PTK7: variants seen among roughly 807,000 people sequenced by gnomAD.
The protein encoded by PTK7 is protein tyrosine kinase 7 (inactive), also known as inactive tyrosine-protein kinase 7.
Under a neutral mutation model 116.6 loss-of-function variants are expected in PTK7, and 39 were observed. The ratio of observed to expected loss-of-function variants is 0.33; its 90% CI spans 0.26 to 0.44. PTK7 has a LOEUF of 0.44. Among genes scored for constraint, PTK7 ranks in the 20% least tolerant of loss-of-function variants. The probability of loss-of-function intolerance (pLI) is 1.00; values close to 1 mark genes in which losing one functional copy is unlikely to be tolerated. For synonymous variants in PTK7, 546 were observed against 563.6 expected (o/e 0.97, Z 0.44); for missense variants, 1,169 against 1,425.6 (o/e 0.82, Z 2.90).
At chr6:43,148,136 C>A (rs1266840013) in intron 17 of PTK7, among the ~76,000 whole-genome samples, 1 of 152,038 alleles carries the variant, frequency 6.6e-6, no homozygotes, top group Non-Finnish European at 1.5e-5. Context: ...GCCTGTAGTC[C>A]CAGCTACTTG....
chr6:43,141,941 C>T lies in PTK7; in HGVS notation c.1779C>T (p.Thr593=), dbSNP rs765421079. ...HVQLTVAVFI[T]FKVEPERTTV... Reference sequence around the variant, plus strand: ...TCTCTTTTCTTCCAGTTTTTATCACCTTCAAAGTGGAACCAGAGCGTACGA... The same window carrying T: ...TCTCTTTTCTTCCAGTTTTTATCACTTTCAAAGTGGAACCAGAGCGTACGA... Residue 593 remains threonine, a synonymous_variant, in exon 12 of 20, where the codon ACC becomes ACT. Coordinates refer to ENST00000230419, the MANE Select transcript of PTK7 (RefSeq NM_002821.5). The surrounding 1 kb of genome is among the most constrained non-coding windows in gnomAD (Gnocchi z 4.9). The T allele has an allele frequency of 6.2e-7, 1 of 1,606,520 alleles. No individual in the cohort carries two copies. The highest frequency in any genetic ancestry group is 8.5e-7 in the Non-Finnish European group (1 of 1,175,220).
intron 1 of PTK7, among the ~76,000 whole-genome samples, chr6:43,117,619 C>T (rs191205125): frequency 6.6e-6 from 1 of 152,234 alleles, no homozygotes; most frequent in Non-Finnish European, 1.5e-5. Flanking sequence ...TTCTCTGGAT[C>T]AGAAATGTGT....
chr6:43,116,892 C>T (rs1163689990), intron 1 of PTK7, among the ~76,000 whole-genome samples: 3 of 152,036 alleles, frequency 2.0e-5, no homozygotes, highest in Non-Finnish European at 4.4e-5. Flanking sequence ...GGTGCGACCT[C>T]GACTCACTGC....
At chr6:43,133,330 T>A (rs1257738661) in intron 7 of PTK7, 1 of 152,422 alleles carries the variant, frequency 6.6e-6, no homozygotes, top group East Asian at 1.9e-4. Context: ...ATCCCAGCAC[T>A]TTGGGAGGCC....
chr6:43,118,931 G>T (rs1308070461), intron 1 of PTK7, among the ~76,000 whole-genome samples: 1 of 151,072 alleles, frequency 6.6e-6, no homozygotes, highest in African/African-American at 2.4e-5. Context: ...ACCACATTTG[G>T]CTTATTTTTT....
intron 1 of PTK7, among the ~76,000 whole-genome samples, chr6:43,122,785 T>G (rs748533753): frequency 2.0e-5 from 3 of 152,066 alleles, no homozygotes; most frequent in Non-Finnish European, 4.4e-5. Context: ...TTTTGTATTT[T>G]TAGTAGATAT....
At chr6:43,133,002 G>T (rs191447359) in intron 7 of PTK7, 3 of 488,526 alleles carry the variant, frequency 6.1e-6, no homozygotes, top group Non-Finnish European at 1.1e-5. Context: ...GACGATGGTA[G>T]CAAATCACCC....
chr6:43,132,323 G>C, intron 6 of PTK7, 98 bp from the exon 7 acceptor site: 1 of 1,503,536 alleles, frequency 6.7e-7, no homozygotes, highest in Non-Finnish European at 8.9e-7. Flanking sequence ...GCAGGGGAGG[G>C]TTTGTGCTGG....
In PTK7 at chr6:43,141,553, T is replaced by C. The variant is rs966697061; in HGVS notation, c.1619-115T>C. 3.1e-6 allele frequency: 4 copies of C among 1,291,066 alleles called. No homozygotes were observed. Among genetic ancestry groups the C allele is most frequent in the Non-Finnish European group, 4.3e-6 (4 of 932,684 alleles). 80.0% of individuals were successfully genotyped at this position (1,291,066 alleles called of 1,614,324 possible). On this transcript the variant is annotated intron_variant, in intron 10 of 19. Transcript: ENST00000230419. The surrounding 1 kb of genome is among the most constrained non-coding windows in gnomAD (Gnocchi z 4.9). Reference sequence around the variant, plus strand: ...TTGGCTCAGGAGTTTGGACTTTGCCTGTGGGTGGTCAGGAGCGATGGTGTG... The same window carrying C: ...TTGGCTCAGGAGTTTGGACTTTGCCCGTGGGTGGTCAGGAGCGATGGTGTG...
chr6:43,115,787 A>G (rs1768476213), intron 1 of PTK7, among the ~76,000 whole-genome samples: 1 of 151,976 alleles, frequency 6.6e-6, no homozygotes, highest in South Asian at 2.1e-4. Context: ...AAATACAAAA[A>G]TTAGCCTGGC....
intron 17 of PTK7, among the ~76,000 whole-genome samples, chr6:43,146,964 G>A (rs12204526): frequency 0.039 from 5,959 of 152,300 alleles, 158 homozygotes; most frequent in South Asian, 0.063. Context: ...CTGGCTTCAC[G>A]GAGAAGAGCT....
At chr6:43,084,627 G>T (rs1433312573) in intron 1 of PTK7, among the ~76,000 whole-genome samples, 2 of 152,198 alleles carry the variant, frequency 1.3e-5, no homozygotes, top group East Asian at 3.8e-4. Context: ...GTCTTCTATG[G>T]GTGAAGCTGT....
Position 43,077,301 on chromosome 6 carries a change from G to A in PTK7, c.79+734G>A, listed in dbSNP as rs80282993. Among the ~76,000 whole-genome samples the A allele has an allele frequency of 8.5e-5, 13 of 152,366 alleles. No individual in the cohort carries two copies. In the East Asian group the frequency reaches 2.1e-3, roughly 25 times the overall value. ...CCGCTGCCAAAATCGGGCATGGCCT[G>A]GCTGCAAAGGTGCGGACGGGGTTTG... On this transcript the variant is annotated intron_variant, in intron 1 of 19. Transcript: ENST00000230419.
At chr6:43,148,043 A>G (rs138295248) in intron 17 of PTK7, among the ~76,000 whole-genome samples, 67 of 152,322 alleles carry the variant, frequency 4.4e-4, no homozygotes, top group Non-Finnish European at 6.6e-4. Flanking sequence ...GCTTCAGCTC[A>G]GGAGTTTGAG....
chr6:43,160,018 C>A (rs1216009188), intron 19 of PTK7, 52 bp downstream of exon 19: 1 of 1,562,172 alleles, frequency 6.4e-7, no homozygotes, highest in Admixed American at 1.9e-5. Context: ...CAGATGGGGC[C>A]TACTCAGGGC....
At chr6:43,119,216 G>A (rs1768809026) in intron 1 of PTK7, among the ~76,000 whole-genome samples, 1 of 152,080 alleles carries the variant, frequency 6.6e-6, no homozygotes, top group East Asian at 1.9e-4. Context: ...AACTGCTGTG[G>A]CCACTCTGAC....
chr6:43,157,326 C>CGCTATATATATA (rs1771496006), intron 17 of PTK7, among the ~76,000 whole-genome samples: 1 of 22,006 alleles, frequency 4.5e-5, no homozygotes, highest in Non-Finnish European at 8.0e-5. Context: ...GACACACACG[C>CGCTATATATATA]TATATATATA....
At chr6:43,155,740 A>G (rs1771388830) in intron 17 of PTK7, among the ~76,000 whole-genome samples, 1 of 152,230 alleles carries the variant, frequency 6.6e-6, no homozygotes, top group African/African-American at 2.4e-5. Context: ...AAAGAGTATT[A>G]ATGAATGAAA....
intron 1 of PTK7, among the ~76,000 whole-genome samples, chr6:43,085,996 C>T (rs1002238123): frequency 1.3e-5 from 2 of 151,526 alleles, no homozygotes; most frequent in South Asian, 2.1e-4. Context: ...CTAAATGGGT[C>T]TCAGTATTCC....
Sources: gnomAD v4.1 joint callset for allele counts (sites outside exome capture counted in the v4.1 genomes callset) on GRCh38, gnomAD v4.1.1 for gene constraint, Gnocchi (gnomAD v3.1) non-coding constraint, MANE v1.5 for transcripts, NCBI Gene and HGNC (gene_info 2026-07-23, HGNC 2026-07-21) for gene names.